Variants in KIF11 observed in about 807,000 individuals in gnomAD.
KIF11 encodes kinesin family member 11.
KIF11 carries 9 observed loss-of-function variants against 121.0 expected under a neutral mutation model. The ratio of observed to expected loss-of-function variants is 0.07; its 90% confidence interval spans 0.04 to 0.13. The LOEUF (loss-of-function observed/expected upper bound fraction) is 0.13, where lower values mean the gene tolerates loss of function less well. KIF11 is among the 10% of genes least tolerant of loss of function. KIF11 has a pLI of 1.00. For synonymous variants in KIF11, 408 were observed against 421.0 expected (o/e 0.97, Z 0.38); for missense variants, 846 against 1,217.5 (o/e 0.69, Z 4.54).
chr10:92,610,301 A>G (rs1214627203), intron 6 of KIF11, among the ~76,000 whole-genome samples: 4 of 152,202 alleles, frequency 2.6e-5, no homozygotes, highest in African/African-American at 9.7e-5. Context: ...GATGGTCACT[A>G]ACACTGGCTT....
intron 17 of KIF11, among the ~76,000 whole-genome samples, chr10:92,641,944 A>G (rs749837606): frequency 1.2e-4 from 19 of 152,190 alleles, no homozygotes; most frequent in Non-Finnish European, 2.4e-4. Context: ...AACCCATTCA[A>G]TGAGGTGTTT....
At chr10:92,621,355 A>G (rs1411619197) in intron 9 of KIF11, 30 bp from the exon 10 acceptor site, 1 of 1,374,478 alleles carries the variant, frequency 7.3e-7, no homozygotes. Context: ...AAAGTACTAA[A>G]CTGACACCTA....
intron 4 of KIF11, among the ~76,000 whole-genome samples, 194 bp downstream of exon 4, chr10:92,607,431 G>A (rs1179656918): frequency 6.6e-6 from 1 of 152,144 alleles, no homozygotes; most frequent in Non-Finnish European, 1.5e-5. Context: ...CAATGGAAGA[G>A]GAAGGACCAA....
At chr10:92,637,666 C>A in intron 16 of KIF11, 121 bp downstream of exon 16, 1 of 893,766 alleles carries the variant, frequency 1.1e-6, no homozygotes, top group Non-Finnish European at 1.7e-6. Context: ...CTGAAAATAC[C>A]ATAGCCACTG....
intron 16 of KIF11, among the ~76,000 whole-genome samples, chr10:92,639,381 A>G (rs1334521079): frequency 1.3e-5 from 2 of 152,110 alleles, no homozygotes; most frequent in Non-Finnish European, 2.9e-5. Context: ...TGAGGCTAGG[A>G]GTTCAAGACC....
At chr10:92,652,023 C>G (rs889341918) in intron 21 of KIF11, among the ~76,000 whole-genome samples, 1 of 137,474 alleles carries the variant, frequency 7.3e-6, no homozygotes, top group African/African-American at 2.7e-5. Context: ...GTTGGCCAGA[C>G]TGGTCTTGAA....
At chr10:92,635,224 A>G (rs576094915) in intron 14 of KIF11, among the ~76,000 whole-genome samples, 2 of 152,288 alleles carry the variant, frequency 1.3e-5, no homozygotes, top group East Asian at 3.9e-4. Flanking sequence ...TGCTTAGATG[A>G]CATTATTTGA....
rs188532131 is a variant in KIF11 at position 92,649,779 on chromosome 10, A to C, written c.2771-56A>C. The C allele has an allele frequency of 2.4e-5, 30 of 1,251,502 alleles. 1 individual carries two copies. The Admixed American group carries it at 6.5e-4, about 27-fold the overall frequency. 77.5% of individuals were successfully genotyped at this position (1,251,502 alleles called of 1,614,324 possible). A position where few individuals can be genotyped will look rare whatever the true frequency, so the allele number is the denominator to read the frequency against. ...TAATTAGGAAGTTTTAGGTTTTTTT[A>C]AAAATATTTACATCTCATACTTTAA... On this transcript the variant is annotated intron_variant, in intron 19 of 21. Transcript: ENST00000260731.
chr10:92,641,486 A>C (rs1844865583), intron 17 of KIF11, among the ~76,000 whole-genome samples: 1 of 152,130 alleles, frequency 6.6e-6, no homozygotes, highest in Admixed American at 6.5e-5. Flanking sequence ...CATTTGAAAT[A>C]TTTCCATTTT....
In KIF11 at chr10:92,637,291, A is replaced by G. The variant is rs1844814573; in HGVS notation, c.1983A>G (p.Ser661=). 1.3e-6 allele frequency: 2 copies of G among 1,593,784 alleles called. No homozygotes were observed. The highest frequency in any genetic ancestry group is 1.9e-5 in the Admixed American group (1 of 52,004). ...NSQLKHIFKT[S]LTVADKIEDQ... ...AACTAAAGCATATTTTCAAGACTTC[A>G]TTGACAGTGGCCGATAAGGTAACAA... The change falls in exon 15 of 22, where the codon TCA becomes TCG. Residue 661 remains serine, a synonymous_variant. Transcript: ENST00000260731.
Position 92,598,002 on chromosome 10 carries a change from G to C in KIF11, c.77+4550G>C, listed in dbSNP as rs142609000. Among the ~76,000 whole-genome samples, 31 of 151,844 alleles carry C rather than the reference G, an allele frequency of 2.0e-4. No homozygotes were observed. The East Asian group carries it at 5.2e-3, about 26-fold the overall frequency. On this transcript the variant is annotated intron_variant, in intron 1 of 21. Coordinates refer to ENST00000260731, the MANE Select transcript of KIF11 (RefSeq NM_004523.4). ...GTATCTTGCTTTATTGCCCAGACTTGTTGTGAACTCCTGGACTCAAATAGT... is the reference window on the plus strand; with the variant it reads ...GTATCTTGCTTTATTGCCCAGACTTCTTGTGAACTCCTGGACTCAAATAGT...
rs1213772594 is a variant in KIF11 at position 92,651,519 on chromosome 10, T to A, written c.3039+1002T>A. ...CCTGGCTAATTTTGTTTTTTTTTTT[T>A]TTTTTTTTTTTTTTTTTTTTTTTTT... On this transcript the variant is annotated intron_variant, in intron 21 of 21. Transcript: ENST00000260731. Among the ~76,000 whole-genome samples, 120 of 71,476 alleles carry A rather than the reference T, an allele frequency of 1.7e-3. 8 individuals carry two copies. The highest frequency in any genetic ancestry group is 0.01 in the African/African-American group (102 of 9,814). The allele number at this position is 71,476 out of a possible 152,430, so 46.9% of individuals were successfully genotyped here. A position where few individuals can be genotyped will look rare whatever the true frequency, so the allele number is the denominator to read the frequency against.
intron 1 of KIF11, among the ~76,000 whole-genome samples, chr10:92,593,722 T>C (rs1352931579): frequency 1.3e-5 from 2 of 152,238 alleles, no homozygotes; most frequent in Non-Finnish European, 2.9e-5. Context: ...GTCACTTTTA[T>C]ATGCTACTTC....
At chr10:92,636,801 G>A (rs1018877181) in intron 14 of KIF11, among the ~76,000 whole-genome samples, 3 of 151,714 alleles carry the variant, frequency 2.0e-5, no homozygotes, top group Admixed American at 6.6e-5. Flanking sequence ...GGGAGGCCAC[G>A]GGGGGCGGAT....
intron 3 of KIF11, 61 bp from the exon 4 acceptor site, chr10:92,607,098 A>G: frequency 1.0e-6 from 1 of 989,852 alleles, no homozygotes; most frequent in South Asian, 1.4e-5. Flanking sequence ...TTTCTAGTCT[A>G]TCACTAAGAG....
intron 1 of KIF11, among the ~76,000 whole-genome samples, chr10:92,605,989 A>G (rs957821090): frequency 2.6e-5 from 4 of 152,162 alleles, no homozygotes; most frequent in Admixed American, 2.6e-4. Context: ...CTACCATCAA[A>G]ACAAAACAAA....
intron 4 of KIF11, among the ~76,000 whole-genome samples, chr10:92,607,668 C>T (rs909903985): frequency 6.6e-6 from 1 of 151,970 alleles, no homozygotes; most frequent in Non-Finnish European, 1.5e-5. Context: ...TTTAATATTG[C>T]AGAAAGCATA....
chr10:92,607,202 GA>G lies in KIF11; in HGVS notation c.355del (p.Arg119GlyfsTer17), dbSNP rs1554859399. The part of the protein sequence containing the change: ...GTGKTFTMEG[E>X]RSPNEEYTWE... ...TGGAAAAACTTTTACAATGGAAGGTGAAAGGTCACCTAATGAAGAGTATACC... is the reference window on the plus strand; with the variant it reads ...TGGAAAAACTTTTACAATGGAAGGTGAAGGTCACCTAATGAAGAGTATACC... On this transcript the variant is annotated frameshift_variant, in exon 4 of 22. Coordinates refer to ENST00000260731, the MANE Select transcript of KIF11 (RefSeq NM_004523.4). LOFTEE classifies it high-confidence loss of function. 1 of 1,609,236 alleles carries G rather than the reference GA, an allele frequency of 6.2e-7. No homozygotes were observed. Among genetic ancestry groups the G allele is most frequent in the Non-Finnish European group, 8.5e-7 (1 of 1,176,152 alleles).
chr10:92,653,219 C>CT (rs1017622558), intron 21 of KIF11, among the ~76,000 whole-genome samples: 10 of 152,236 alleles, frequency 6.6e-5, no homozygotes, highest in African/African-American at 2.4e-4. Flanking sequence ...CTGGATAATT[C>CT]TTTGTTGTGA....
Sources: gnomAD v4.1 joint callset for allele counts (sites outside exome capture counted in the v4.1 genomes callset) on GRCh38, gnomAD v4.1.1 for gene constraint, MANE v1.5 for transcripts, NCBI Gene and HGNC (gene_info 2026-07-23, HGNC 2026-07-21) for gene names.